The following MTUS1 variants were observed in gnomAD, a reference collection of about 807,000 sequenced individuals.
MTUS1 encodes microtubule-associated tumor suppressor 1.
Under a neutral mutation model 120.8 loss-of-function variants are expected in MTUS1, and 109 were observed. That is an observed-to-expected ratio of 0.90 (90% confidence interval 0.77 to 1.06). The LOEUF (loss-of-function observed/expected upper bound fraction) is 1.06. MTUS1 is among the 50% of genes least tolerant of loss of function. The pLI, the probability that MTUS1 is intolerant of heterozygous loss-of-function variation, is 0.00. For missense variants in MTUS1, 2,210 were observed against 1,486.3 expected (o/e 1.49, Z -8.01); for synonymous variants, 737 against 550.5 (o/e 1.34, Z -4.74).
intron 1 of MTUS1, chr8:17,770,410 C>T (rs1043598078): frequency 3.3e-5 from 5 of 152,172 alleles, no homozygotes; most frequent in Non-Finnish European, 7.3e-5. Context: ...CCCAAATCAA[C>T]CATACCAAGC....
chr8:17,769,927 C>G (rs1351989756), intron 1 of MTUS1, among the ~76,000 whole-genome samples: 1,023 of 48,344 alleles, frequency 0.021, 11 homozygotes, highest in East Asian at 0.11. Context: ...CACACACACA[C>G]GGGGGGGGTT....
chr8:17,665,764 G>A (rs765675524), intron 8 of MTUS1, among the ~76,000 whole-genome samples: 5 of 152,172 alleles, frequency 3.3e-5, no homozygotes, highest in Non-Finnish European at 4.4e-5. Flanking sequence ...TAATTCACAC[G>A]TACCATGGAT....
chr8:17,774,462 G>C (rs28593230), intron 1 of MTUS1, among the ~76,000 whole-genome samples: 2 of 152,144 alleles, frequency 1.3e-5, no homozygotes, highest in Admixed American at 1.3e-4. Context: ...AAAAGGAAGC[G>C]GAGGTGATGC....
chr8:17,795,987 T>C (rs576628546), intron 1 of MTUS1, among the ~76,000 whole-genome samples: 116 of 151,874 alleles, frequency 7.6e-4, no homozygotes, highest in African/African-American at 2.7e-3. Context: ...TCTCACTCTG[T>C]TGGCCAGGCT....
chr8:17,712,812 GA>G (rs1821596061), intron 6 of MTUS1, among the ~76,000 whole-genome samples: 1 of 150,684 alleles, frequency 6.6e-6, no homozygotes, highest in South Asian at 2.1e-4. Flanking sequence ...TAAGTCCAGT[GA>G]AAGTGTGAAA....
Position 17,755,691 on chromosome 8 carries a change from A to C in MTUS1, c.117T>G (p.Ser39=), listed in dbSNP as rs2048559431. The C allele has an allele frequency of 1.2e-6, 2 of 1,614,064 alleles. No individual in the cohort carries two copies. Among genetic ancestry groups the C allele is most frequent in the South Asian group, 1.1e-5 (1 of 91,080 alleles). ...YNPKSPPTQN[S]SASSVNWNSA... ...AATTCCAGTTCACACTGCTGGCTGA[A>C]GAGTTTTGTGTAGGTGGTGATTTCG... Residue 39 remains serine (S), a synonymous_variant, in exon 2 of 15, where the codon TCT becomes TCG. Coordinates refer to ENST00000693296, the MANE Select transcript of MTUS1 (RefSeq NM_001363059.2).
chr8:17,795,401 T>A (rs74717590), intron 1 of MTUS1, among the ~76,000 whole-genome samples: 3,916 of 152,342 alleles, frequency 0.026, 163 homozygotes, highest in African/African-American at 0.089. Context: ...TTCTGCATCA[T>A]GCTTAAGACA....
chr8:17,723,104 TG>T (rs1264814423), intron 4 of MTUS1: 1 of 161,774 alleles, frequency 6.2e-6, no homozygotes, highest in African/African-American at 2.4e-5. Flanking sequence ...AATTATTTCG[TG>T]GGGAAGTATA....
At chr8:17,746,111 G>A (rs1220845138) in intron 2 of MTUS1, among the ~76,000 whole-genome samples, 1 of 152,164 alleles carries the variant, frequency 6.6e-6, no homozygotes, top group African/African-American at 2.4e-5. Context: ...CCAGTCTCAG[G>A]TAGTTCTTTA....
chr8:17,718,621 A>C (rs139942366), intron 4 of MTUS1, among the ~76,000 whole-genome samples: 91 of 152,156 alleles, frequency 6.0e-4, no homozygotes, highest in African/African-American at 2.2e-3. Context: ...TTGAAGAGAC[A>C]ATACATAAAA....
intron 1 of MTUS1, among the ~76,000 whole-genome samples, chr8:17,767,399 G>T (rs925618702): frequency 6.6e-6 from 1 of 151,718 alleles, no homozygotes; most frequent in South Asian, 2.1e-4. Flanking sequence ...AAAAAAGAGT[G>T]AGAGGAGGTA....
Position 17,753,717 on chromosome 8 carries a change from C to CA in MTUS1, c.2090dup (p.Leu697PhefsTer13). On this transcript the variant is annotated frameshift_variant and splice_region_variant, in exon 2 of 15. Coordinates refer to ENST00000693296, the MANE Select transcript of MTUS1 (RefSeq NM_001363059.2). LOFTEE classifies it high-confidence loss of function. ...CAAAAAATATATATATATTACTTAC[C>CA]AAAAACAGAGAACCATATTCAAAAG... The CA allele has an allele frequency of 6.3e-7, 1 of 1,584,004 alleles. No individual in the cohort carries two copies. The highest frequency in any genetic ancestry group is 8.6e-7 in the Non-Finnish European group (1 of 1,167,776).
At chr8:17,653,008 G>T (rs1007514548) in intron 12 of MTUS1, among the ~76,000 whole-genome samples, 178 bp downstream of exon 12, 2 of 151,930 alleles carry the variant, frequency 1.3e-5, no homozygotes, top group Non-Finnish European at 2.9e-5. Flanking sequence ...ATTTTAGGAT[G>T]GTAAAACAAG....
chr8:17,756,667 C>A (rs2048635394), intron 1 of MTUS1, among the ~76,000 whole-genome samples: 1 of 55,086 alleles, frequency 1.8e-5, no homozygotes, highest in Non-Finnish European at 4.6e-5. Context: ...TATGTCAAGC[C>A]CAAACCCCCA....
chr8:17,662,351 T>G (rs1222849810), intron 8 of MTUS1, among the ~76,000 whole-genome samples: 1 of 30,184 alleles, frequency 3.3e-5, no homozygotes, highest in Non-Finnish European at 1.1e-4. Context: ...TTGTCCCTAT[T>G]TTTTTTTTTT....
At chr8:17,682,641 A>T (rs562263512) in intron 7 of MTUS1, among the ~76,000 whole-genome samples, 1 of 152,158 alleles carries the variant, frequency 6.6e-6, no homozygotes, top group East Asian at 1.9e-4. Flanking sequence ...GTGAAATGAG[A>T]GTTCACAGGA....
intron 1 of MTUS1, among the ~76,000 whole-genome samples, chr8:17,769,382 C>G (rs1453257404): frequency 7.1e-6 from 1 of 141,058 alleles, no homozygotes; most frequent in Non-Finnish European, 1.5e-5. Context: ...GAGTCTCGCT[C>G]TGTCGCCCAG....
At chr8:17,696,110 G>T (rs543733266) in intron 6 of MTUS1, among the ~76,000 whole-genome samples, 4 of 152,184 alleles carry the variant, frequency 2.6e-5, no homozygotes, top group Non-Finnish European at 5.9e-5. Context: ...TCAGTTGGAA[G>T]GGCTGCAGCG....
rs1822196415 is a variant in MTUS1, at chr8:17,715,754, A to G, written c.2584+13T>C. ...TCTTGCCCTCCCTCTTCAAACCACA[A>G]TGAGGACTGTACCTTTTGGAGGAGT... On this transcript the variant is annotated intron_variant, in intron 5 of 14. Coordinates refer to ENST00000693296, the MANE Select transcript of MTUS1 (RefSeq NM_001363059.2). 1.2e-6 allele frequency: 2 copies of G among 1,601,916 alleles called. No individual in the cohort carries two copies. The highest frequency in any genetic ancestry group is 1.7e-6 in the Non-Finnish European group (2 of 1,176,974).
Sources: allele counts gnomAD v4.1 joint callset (sites outside exome capture counted in the v4.1 genomes callset), GRCh38; gene constraint gnomAD v4.1.1; transcripts MANE v1.5; gene names NCBI Gene and HGNC (gene_info 2026-07-23, HGNC 2026-07-21).